Variants in LINGO1 observed in about 807,000 individuals in gnomAD.
LINGO1 encodes the protein leucine-rich repeat and immunoglobulin-like domain-containing nogo receptor-interacting protein 1.
In LINGO1, 11 loss-of-function variants were observed where a neutral mutation model predicts 37.3. That is an observed-to-expected ratio of 0.29 (90% CI 0.19 to 0.49). The LOEUF is 0.49. LINGO1 is among the 20% of genes least tolerant of loss of function. LINGO1 has a pLI of 0.99. For synonymous variants in LINGO1, 387 were observed against 403.0 expected (o/e 0.96, Z 0.48); for missense variants, 585 against 878.2 (o/e 0.67, Z 4.22).
intron 1 of LINGO1, among the ~76,000 whole-genome samples, chr15:77,799,143 C>A (rs1285420286): frequency 6.6e-6 from 1 of 152,172 alleles, no homozygotes; most frequent in Non-Finnish European, 1.5e-5. Context: ...GACCTGAGCC[C>A]CTCTGATCAA....
chr15:77,777,472 C>T (rs1479458276), intron 1 of LINGO1, among the ~76,000 whole-genome samples: 5 of 29,726 alleles, frequency 1.7e-4, no homozygotes, highest in African/African-American at 6.0e-4. Flanking sequence ...CACGCACACA[C>T]ACACACACAC....
intron 1 of LINGO1, among the ~76,000 whole-genome samples, chr15:77,783,492 C>T (rs1449337098): frequency 6.6e-6 from 1 of 152,118 alleles, no homozygotes; most frequent in African/African-American, 2.4e-5. Flanking sequence ...GTGGGGCTGA[C>T]ATTCATGGAA....
intron 1 of LINGO1, among the ~76,000 whole-genome samples, chr15:77,741,964 G>C (rs1028474619): frequency 1.3e-5 from 2 of 152,212 alleles, no homozygotes; most frequent in African/African-American, 4.8e-5. Context: ...AAGGGAGAAA[G>C]GCAGAGGGGG....
rs541352609 is a variant in LINGO1, at chr15:77,675,881, C to T, written c.-13+1208G>A. Among the ~76,000 whole-genome samples the T allele has an allele frequency of 1.2e-4, 18 of 152,234 alleles. No individual in the cohort carries two copies. In the South Asian group the frequency reaches 2.3e-3, roughly 19 times the overall value. On this transcript the variant is annotated intron_variant, in intron 3 of 3. Transcript: ENST00000559893. ...CCCGTCACTGCCTCATCCCTGTTAC[C>T]CCCATCCCCACTCTGGCTCCCCAAA...
At chr15:77,663,651 T>C (rs1326073881) in intron 3 of LINGO1, among the ~76,000 whole-genome samples, 1 of 152,142 alleles carries the variant, frequency 6.6e-6, no homozygotes. Context: ...ATCCCACCAG[T>C]AGGGGTCCTT....
intron 1 of LINGO1, among the ~76,000 whole-genome samples, chr15:77,771,655 A>C (rs1481513598): frequency 6.6e-6 from 1 of 152,170 alleles, no homozygotes; most frequent in African/African-American, 2.4e-5. Flanking sequence ...ACACCCGAGG[A>C]GGAGGAGACT....
chr15:77,702,717 A>T (rs1440344375), intron 2 of LINGO1, among the ~76,000 whole-genome samples: 1 of 152,144 alleles, frequency 6.6e-6, no homozygotes, highest in Non-Finnish European at 1.5e-5. Flanking sequence ...GACTACCTCC[A>T]GTCTGCCTGG....
chr15:77,668,780 C>T (rs576081380), intron 3 of LINGO1, among the ~76,000 whole-genome samples: 1 of 145,384 alleles, frequency 6.9e-6, no homozygotes, highest in South Asian at 2.2e-4. Context: ...CCCTGGGGAG[C>T]TCACAGGGGA....
At chr15:77,773,793 A>G (rs1263789726) in intron 1 of LINGO1, among the ~76,000 whole-genome samples, 1 of 151,536 alleles carries the variant, frequency 6.6e-6, no homozygotes, top group African/African-American at 2.4e-5. Flanking sequence ...TCTCTTCCAA[A>G]GCCCTCAGCC....
intron 3 of LINGO1, among the ~76,000 whole-genome samples, chr15:77,658,929 T>G (rs1366187112): frequency 6.6e-6 from 1 of 152,086 alleles, no homozygotes; most frequent in Non-Finnish European, 1.5e-5. Flanking sequence ...GGAGTGGAGA[T>G]TTTATCTAGT....
intron 3 of LINGO1, among the ~76,000 whole-genome samples, chr15:77,664,170 T>TGTGTGTGTGTGTGTGTGCGCGCGC: frequency 1.5e-4 from 20 of 131,008 alleles, no homozygotes; most frequent in African/African-American, 7.0e-4. Context: ...TGTGTGTGTG[T>TGTGTGTGTGTGTGTGTGCGCGCGC]GCGCGCGCGC....
At position 77,613,841 on chromosome 15, in the gene LINGO1, A is replaced by T; in HGVS notation, c.*203T>A. ...ATGCCCCTGTGTAGGTGGGGTCCCC[A>T]GGTCTGGGCTTCTGAGGTCCTGGTA... On this transcript the variant is annotated 3_prime_UTR_variant, in exon 2 of 2. Transcript: ENST00000355300. 1.7e-6 allele frequency: 1 copy of T among 588,562 alleles called. No individual in the cohort carries two copies. The highest frequency in any genetic ancestry group is 3.0e-5 in the Admixed American group (1 of 33,216). The allele number at this position is 588,562 out of a possible 1,614,324, so 36.5% of individuals were successfully genotyped here.
chr15:77,625,353 T>G (rs1463061815), intron 1 of LINGO1, among the ~76,000 whole-genome samples: 1 of 152,206 alleles, frequency 6.6e-6, no homozygotes, highest in Non-Finnish European at 1.5e-5. Context: ...TAAAAATTCA[T>G]TTAATCTCAC....
chr15:77,807,885 C>T (rs937843726), intron 1 of LINGO1, among the ~76,000 whole-genome samples: 1 of 152,112 alleles, frequency 6.6e-6, no homozygotes, highest in Non-Finnish European at 1.5e-5. Context: ...AGAGCAGCAA[C>T]TTCCAGCAGC....
chr15:77,698,008 C>T (rs1442080862), upstream of LINGO1, among the ~76,000 whole-genome samples: 3 of 152,060 alleles, frequency 2.0e-5, no homozygotes, highest in East Asian at 1.9e-4. Flanking sequence ...AGTCTGGATT[C>T]GTGCTTCAGA....
upstream of LINGO1, among the ~76,000 whole-genome samples, chr15:77,699,094 G>C (rs1266527788): frequency 6.6e-6 from 1 of 152,052 alleles, no homozygotes; most frequent in Non-Finnish European, 1.5e-5. Flanking sequence ...GCCACGACAG[G>C]AGCTGCTGGT....
intron 1 of LINGO1, among the ~76,000 whole-genome samples, chr15:77,628,832 C>G (rs1396415220): frequency 6.6e-6 from 1 of 152,182 alleles, no homozygotes. Flanking sequence ...AAGCTGGGGA[C>G]TCACAGCAAG....
At chr15:77,746,466 A>G (rs981147866) in intron 1 of LINGO1, among the ~76,000 whole-genome samples, 6 of 152,154 alleles carry the variant, frequency 3.9e-5, no homozygotes, top group African/African-American at 1.4e-4. Flanking sequence ...TCCTTCAAGA[A>G]GCCAGCCCTG....
chr15:77,736,354 C>T (rs2076203903), intron 1 of LINGO1, among the ~76,000 whole-genome samples: 1 of 152,226 alleles, frequency 6.6e-6, no homozygotes, highest in Admixed American at 6.5e-5. Context: ...TGCTTGTGCT[C>T]ACTGAGCACC....
Sources: gnomAD v4.1 joint callset for allele counts (sites outside exome capture counted in the v4.1 genomes callset) on GRCh38, gnomAD v4.1.1 for gene constraint, MANE v1.5 for transcripts, NCBI Gene and HGNC (gene_info 2026-07-23, HGNC 2026-07-21) for gene names.